PBX3: variants seen among roughly 807,000 people sequenced by gnomAD.
PBX3 encodes PBX homeobox 3, also known as pre-B-cell leukemia transcription factor 3.
PBX3 carries 14 observed loss-of-function variants against 48.5 expected under a neutral mutation model. The observed-to-expected ratio is 0.29, with a 90% CI of 0.19 to 0.45. The LOEUF (loss-of-function observed/expected upper bound fraction) is 0.45. Among genes scored for constraint, PBX3 ranks in the 20% least tolerant of loss-of-function variants. The pLI is 1.00. For synonymous variants in PBX3, 210 were observed against 200.3 expected, an observed-to-expected ratio of 1.05 and a Z score of -0.41; for missense variants, 386 against 546.7, an observed-to-expected ratio of 0.71 and a Z score of 2.93.
intron 2 of PBX3, among the ~76,000 whole-genome samples, chr9:125,893,439 A>G (rs752774161): frequency 2.0e-5 from 3 of 152,188 alleles, no homozygotes; most frequent in Non-Finnish European, 2.9e-5. Context: ...TTGGAGTACT[A>G]CTGGGCTGTG....
In PBX3 at chr9:125,779,677, C is replaced by T. The variant is rs1236320878; in HGVS notation, c.274+31054C>T. On this transcript the variant is annotated intron_variant, in intron 2 of 8. Coordinates refer to ENST00000373489, the MANE Select transcript of PBX3 (RefSeq NM_006195.6). ...TCTACTTCTTTCTACACAGACACAG[C>T]AACCATCCGATTTCTCAATCTTTTC... Among the ~76,000 whole-genome samples the T allele has an allele frequency of 2.1e-5, 3 of 139,546 alleles. No individual in the cohort carries two copies. In the Admixed American group the frequency reaches 2.2e-4, roughly 10 times the overall value. 91.5% of individuals were successfully genotyped at this position (139,546 alleles called of 152,430 possible).
chr9:125,930,446 G>A (rs1786541677), intron 4 of PBX3, among the ~76,000 whole-genome samples: 1 of 152,160 alleles, frequency 6.6e-6, no homozygotes, highest in Non-Finnish European at 1.5e-5. Context: ...CCTACTGAGT[G>A]ACAGAACAGA....
intron 2 of PBX3, among the ~76,000 whole-genome samples, chr9:125,766,429 G>A (rs1467460096): frequency 2.0e-5 from 3 of 151,904 alleles, no homozygotes; most frequent in Non-Finnish European, 4.4e-5. Flanking sequence ...AAAACTCCTG[G>A]TAACATGCTT....
At chr9:125,848,710 T>G (rs73667098) in intron 2 of PBX3, among the ~76,000 whole-genome samples, 8,997 of 152,070 alleles carry the variant, frequency 0.059, 612 homozygotes, top group East Asian at 0.17. Context: ...CCTAATATTT[T>G]CTGGGTATTG....
chr9:125,939,302 A>G (rs1321332239), intron 5 of PBX3, among the ~76,000 whole-genome samples: 1 of 152,206 alleles, frequency 6.6e-6, no homozygotes, highest in Non-Finnish European at 1.5e-5. Flanking sequence ...TAGGCAAAAG[A>G]GTCAAACAAG....
At chr9:125,868,267 A>G (rs538989217) in intron 2 of PBX3, among the ~76,000 whole-genome samples, 32 of 152,256 alleles carry the variant, frequency 2.1e-4, no homozygotes, top group African/African-American at 7.5e-4. Context: ...TAAGAACCCT[A>G]TGAGTAGGTA....
intron 2 of PBX3, among the ~76,000 whole-genome samples, chr9:125,768,248 A>T (rs1319349655): frequency 1.3e-5 from 2 of 152,188 alleles, no homozygotes; most frequent in Non-Finnish European, 2.9e-5. Flanking sequence ...TTGTGTATAT[A>T]AAATAAGTAG....
chr9:125,830,140 G>A (rs1383503485), intron 2 of PBX3, among the ~76,000 whole-genome samples: 2 of 152,176 alleles, frequency 1.3e-5, no homozygotes, highest in South Asian at 4.1e-4. Flanking sequence ...TTACAAAAGC[G>A]TTATTTTTTG....
intron 5 of PBX3, among the ~76,000 whole-genome samples, chr9:125,950,142 A>G (rs1159316930): frequency 6.6e-6 from 1 of 152,212 alleles, no homozygotes; most frequent in Non-Finnish European, 1.5e-5. Context: ...CACGTGTTTT[A>G]GGGAGCTGAA....
At chr9:125,873,550 T>C (rs1840178616) in intron 2 of PBX3, among the ~76,000 whole-genome samples, 1 of 152,200 alleles carries the variant, frequency 6.6e-6, no homozygotes, top group Admixed American at 6.5e-5. Context: ...AAAAAATAAG[T>C]AATTCCTACA....
At position 125,857,952 on chromosome 9, in the gene PBX3, C is replaced by T. The variant is rs202091562; in HGVS notation, c.275-57734C>T. Reference sequence around the variant, plus strand: ...TGCATTAGTTTTAAAAAGATGTAGTCAATTGGAGTAAGGCTGCCCTTAGCT... The same window carrying T: ...TGCATTAGTTTTAAAAAGATGTAGTTAATTGGAGTAAGGCTGCCCTTAGCT... On this transcript the variant is annotated intron_variant, in intron 2 of 8. Coordinates refer to ENST00000373489, the MANE Select transcript of PBX3 (RefSeq NM_006195.6). Among the ~76,000 whole-genome samples the T allele has an allele frequency of 8.5e-5, 13 of 152,290 alleles. No individual in the cohort carries two copies. In the East Asian group the frequency reaches 2.5e-3, roughly 29 times the overall value.
At chr9:125,829,346 GA>G (rs1365146250) in intron 2 of PBX3, among the ~76,000 whole-genome samples, 1 of 152,004 alleles carries the variant, frequency 6.6e-6, no homozygotes, top group African/African-American at 2.4e-5. Flanking sequence ...AAATGCAACC[GA>G]GGTACATTTT....
chr9:125,930,566 TC>T (rs1459506628), intron 4 of PBX3, among the ~76,000 whole-genome samples: 1 of 152,246 alleles, frequency 6.6e-6, no homozygotes, highest in Non-Finnish European at 1.5e-5. Context: ...ATTTTGTTTT[TC>T]TTTCTTCTCC....
intron 2 of PBX3, among the ~76,000 whole-genome samples, chr9:125,762,353 A>G (rs778656828): frequency 2.0e-5 from 3 of 152,288 alleles, no homozygotes; most frequent in South Asian, 4.1e-4. Flanking sequence ...TATTTGTAAT[A>G]TAGGTAATTG....
chr9:125,886,337 A>G (rs1198176662), intron 2 of PBX3, among the ~76,000 whole-genome samples: 8 of 152,258 alleles, frequency 5.3e-5, no homozygotes, highest in South Asian at 2.1e-4. Flanking sequence ...GGAAGAAAGG[A>G]ACACAACAGT....
intron 2 of PBX3, among the ~76,000 whole-genome samples, chr9:125,862,327 C>T (rs1473833585): frequency 6.6e-6 from 1 of 152,142 alleles, no homozygotes; most frequent in African/African-American, 2.4e-5. Context: ...ATGGTAAGAA[C>T]ACCAGCATCA....
intron 2 of PBX3, among the ~76,000 whole-genome samples, chr9:125,836,077 C>A (rs1197614870): frequency 6.6e-6 from 1 of 152,092 alleles, no homozygotes. Context: ...AACGAGAGGA[C>A]ATTATGTTAA....
intron 1 of PBX3, 144 bp from the exon 2 acceptor site, chr9:125,748,404 CTG>C (rs1836268464): frequency 1.4e-6 from 2 of 1,421,754 alleles, no homozygotes; most frequent in Admixed American, 4.6e-5. Context: ...AACTAGTCAA[CTG>C]GAGTTTTTGT....
Position 125,963,023 on chromosome 9 carries a change from C to G in PBX3, c.1134C>G (p.Leu378=). Residue 378 remains leucine, a synonymous_variant, in exon 8 of 9, where the codon CTC becomes CTG. Transcript: ENST00000373489. ...GANVQSQVDT[L]RHVINQTGGY... The stretch of plus-strand genomic sequence containing the variant: ...TGTCTCACTTCTAGGTGGATACCCT[C>G]CGTCATGTTATCAATCAGACGGGAG... 6.2e-7 allele frequency: 1 copy of G among 1,601,992 alleles called. No homozygotes were observed. The highest frequency in any genetic ancestry group is 8.5e-7 in the Non-Finnish European group (1 of 1,170,116).
Sources: gnomAD v4.1 joint callset for allele counts (sites outside exome capture counted in the v4.1 genomes callset) on GRCh38, gnomAD v4.1.1 for gene constraint, MANE v1.5 for transcripts, NCBI Gene and HGNC (gene_info 2026-07-23, HGNC 2026-07-21) for gene names.